The following DYNC1H1 variants were observed in gnomAD, a reference collection of about 807,000 sequenced individuals.
DYNC1H1 encodes cytoplasmic dynein 1 heavy chain 1.
DYNC1H1 carries 51 observed loss-of-function variants against 527.1 expected under a neutral mutation model. That is an observed-to-expected ratio of 0.10 (90% CI 0.08 to 0.12). DYNC1H1 has a LOEUF of 0.12. DYNC1H1 is among the 10% of genes least tolerant of loss of function. DYNC1H1 has a pLI of 1.00. For synonymous variants in DYNC1H1, 2,189 were observed against 2,278.8 expected, an observed-to-expected ratio of 0.96 and a Z score of 1.12; for missense variants, 2,771 against 5,971.8, an observed-to-expected ratio of 0.46 and a Z score of 17.66.
At position 101,985,150 on chromosome 14, in the gene DYNC1H1, A is replaced by G. The variant is rs1275688982; in HGVS notation, c.1462-537A>G. Among the ~76,000 whole-genome samples the G allele has an allele frequency of 6.6e-6, 1 of 151,936 alleles. No individual in the cohort carries two copies. The highest frequency in any genetic ancestry group is 2.4e-5 in the African/African-American group (1 of 41,372). The stretch of plus-strand genomic sequence containing the variant: ...TAGAGCCAGACTTCCTGGGTTTTAA[A>G]TCCTAATTCCATCGTTTACTAGCTC... On this transcript the variant is annotated intron_variant, in intron 7 of 77. Transcript: ENST00000360184. This position sits in a 1 kb window ranked among gnomAD's most constrained non-coding sequence, Gnocchi z 5.9.
Position 102,049,231 on chromosome 14 carries a change from T to C in DYNC1H1, c.13373-209T>C, listed in dbSNP as rs2048770474. ...AATTTGACCCTAGAAACTGCACGGTTCTGAGACATGCTCTGGACCAGCCTG... is the reference window on the plus strand; with the variant it reads ...AATTTGACCCTAGAAACTGCACGGTCCTGAGACATGCTCTGGACCAGCCTG... On this transcript the variant is annotated intron_variant, in intron 74 of 77. Coordinates refer to ENST00000360184, the MANE Select transcript of DYNC1H1 (RefSeq NM_001376.5). The surrounding 1 kb of genome is among the most constrained non-coding windows in gnomAD (Gnocchi z 5.5). 3.0e-6 allele frequency: 2 copies of C among 676,226 alleles called. No homozygotes were observed. The highest frequency in any genetic ancestry group is 4.6e-5 in the Admixed American group (2 of 43,796). The allele number at this position is 676,226 out of a possible 1,614,324, so 41.9% of individuals were successfully genotyped here. A position where few individuals can be genotyped will look rare whatever the true frequency, so the allele number is the denominator to read the frequency against.
At position 101,994,305 on chromosome 14, in the gene DYNC1H1, AAGTTGAAC is replaced by A; in HGVS notation, c.3141_3148del (p.Glu1048CysfsTer16). On this transcript the variant is annotated frameshift_variant, in exon 12 of 78. Transcript: ENST00000360184. LOFTEE classifies it high-confidence loss of function. ...TCTGCTGTCATGGGCATTGTATCTG[AAGTTGAAC>A]AGTATGTCAAGGTAAGAAACTCCTA... is the stretch of plus-strand genomic sequence containing the variant. The A allele has an allele frequency of 6.2e-7, 1 of 1,614,178 alleles. No individual in the cohort carries two copies. The highest frequency in any genetic ancestry group is 8.5e-7 in the Non-Finnish European group (1 of 1,180,032).
In DYNC1H1 at chr14:102,032,406, T is replaced by G; in HGVS notation, c.10018T>G (p.Ser3340Ala). 6.2e-7 allele frequency: 1 copy of G among 1,614,212 alleles called. No individual in the cohort carries two copies. The highest frequency in any genetic ancestry group is 8.5e-7 in the Non-Finnish European group (1 of 1,180,044). ...CACCACAGACTGGAAGCAGATCCGCTCCATCATCATGCGGGAGAACTTCAT... is the reference window on the plus strand; with the variant it reads ...CACCACAGACTGGAAGCAGATCCGCGCCATCATCATGCGGGAGAACTTCAT... Reference protein sequence around the residue: ...ESTTDWKQIRSIIMRENFIPT... With the variant: ...ESTTDWKQIRAIIMRENFIPT... Residue 3340 changes from serine to alanine, a missense_variant, in exon 52 of 78, where the codon TCC becomes GCC. By Grantham distance (99) the Ser-to-Ala change is moderately conservative. Coordinates refer to ENST00000360184, the MANE Select transcript of DYNC1H1 (RefSeq NM_001376.5).
intron 2 of DYNC1H1, among the ~76,000 whole-genome samples, chr14:101,977,937 A>AGT (rs17511949): frequency 0.12 from 18,014 of 152,256 alleles, 1,707 homozygotes; most frequent in African/African-American, 0.26. Flanking sequence ...TCCAAGCTGG[A>AGT]GTGCAGTGGG....
Position 102,044,145 on chromosome 14 carries a change from C to G in DYNC1H1, c.12684+100C>G, listed in dbSNP as rs760722993. 1.9e-6 allele frequency: 3 copies of G among 1,584,890 alleles called. No homozygotes were observed. The highest frequency in any genetic ancestry group is 1.7e-6 in the Non-Finnish European group (2 of 1,168,988). ...GCCAGACTCTGCGTGGAAGAGCGAG[C>G]TGACCCCTCGTGACCGCCAAAGCCT... On this transcript the variant is annotated intron_variant, in intron 70 of 77. Transcript: ENST00000360184. This position sits in a 1 kb window ranked among gnomAD's most constrained non-coding sequence, Gnocchi z 7.1.
chr14:101,969,681 T>C (rs2141262463), intron 1 of DYNC1H1: 1 of 152,414 alleles, frequency 6.6e-6, no homozygotes, highest in Admixed American at 6.5e-5. Context: ...CTCAGTGGTA[T>C]CCGCACTTCA....
chr14:102,038,595 C>A lies in DYNC1H1; in HGVS notation c.11044C>A (p.Arg3682=). ...ATCGTTTGTCATCTTCCTGTCCACCCGGGATCCAACTGTAAGGAATGGGAC... is the reference window on the plus strand; with the variant it reads ...ATCGTTTGTCATCTTCCTGTCCACCAGGGATCCAACTGTAAGGAATGGGAC... The part of the protein sequence containing the change: ...SPSFVIFLST[R]DPTVEFPPDL... Residue 3682 remains arginine (R), a synonymous_variant, in exon 58 of 78, where the codon CGG becomes AGG. Transcript: ENST00000360184. This position sits in a 1 kb window ranked among gnomAD's most constrained non-coding sequence, Gnocchi z 7.2. The A allele has an allele frequency of 6.2e-7, 1 of 1,614,184 alleles. No homozygotes were observed. The highest frequency in any genetic ancestry group is 8.5e-7 in the Non-Finnish European group (1 of 1,180,034).
chr14:101,979,808 C>T lies in DYNC1H1; in HGVS notation c.608C>T (p.Pro203Leu), dbSNP rs1177698609. 4 of 1,614,068 alleles carry T rather than the reference C, an allele frequency of 2.5e-6. No homozygotes were observed. Among genetic ancestry groups the T allele is most frequent in the Non-Finnish European group, 2.5e-6 (3 of 1,180,008 alleles). ...CACTTGCAGCAAAATATTGAAATTC[C>T]GGAGATCAGCCTGCCGATTCATCCA... Reference protein sequence around the residue: ...LLHLQQNIEIPEISLPIHPMI... With the variant: ...LLHLQQNIEILEISLPIHPMI... Residue 203 changes from proline to leucine, a missense_variant, in exon 4 of 78, where the codon CCG (proline) becomes CTG (leucine). By Grantham distance (98) the Pro-to-Leu change is moderately conservative. Coordinates refer to ENST00000360184, the MANE Select transcript of DYNC1H1 (RefSeq NM_001376.5). The surrounding 1 kb of genome is among the most constrained non-coding windows in gnomAD (Gnocchi z 4.6).
chr14:102,051,299 C>T lies in DYNC1H1; in HGVS notation c.*736C>T. The T allele has an allele frequency of 6.5e-6, 1 of 153,718 alleles. No homozygotes were observed. Among genetic ancestry groups the T allele is most frequent in the Non-Finnish European group, 1.4e-5 (1 of 69,346 alleles). The allele number at this position is 153,718 out of a possible 1,614,324, so 9.5% of individuals were successfully genotyped here. A position where few individuals can be genotyped will look rare whatever the true frequency, so the allele number is the denominator to read the frequency against. On this transcript the variant is annotated 3_prime_UTR_variant, in exon 78 of 78. Transcript: ENST00000360184. ...GCGTGGTGGCTCATGCCTGTAATCC[C>T]AGCACTTTGGGAGGCCGAGGCGGGC...
rs1042518934 is a variant in DYNC1H1, at chr14:102,039,816, T to TTCTTTTATTTTC, written c.11690+98_11690+109dup. On this transcript the variant is annotated intron_variant, in intron 62 of 77. Coordinates refer to ENST00000360184, the MANE Select transcript of DYNC1H1 (RefSeq NM_001376.5). The surrounding 1 kb of genome is among the most constrained non-coding windows in gnomAD (Gnocchi z 7.0). Reference sequence around the variant, plus strand: ...ATGATCAGATACATGCTTTTATTATTTCTTTTATTTTCTCTTTTATTTTCT... The same window carrying TTCTTTTATTTTC: ...ATGATCAGATACATGCTTTTATTATTTCTTTTATTTTCTCTTTTATTTTCTCTTTTATTTTCT... 2 of 1,413,170 alleles carry TTCTTTTATTTTC rather than the reference T, an allele frequency of 1.4e-6. No individual in the cohort carries two copies. The highest frequency in any genetic ancestry group is 1.2e-5 in the South Asian group (1 of 82,322). 87.5% of individuals were successfully genotyped at this position (1,413,170 alleles called of 1,614,324 possible). A position where few individuals can be genotyped will look rare whatever the true frequency, so the allele number is the denominator to read the frequency against.
At chr14:102,025,584 AAG>A (rs1491318496) in intron 43 of DYNC1H1, among the ~76,000 whole-genome samples, 12 of 151,480 alleles carry the variant, frequency 7.9e-5, no homozygotes, top group African/African-American at 2.9e-4. Context: ...AAAAAAAAAA[AAG>A]ATGTATCTTT....
chr14:102,027,601 C>T lies in DYNC1H1; in HGVS notation c.9049-18C>T, dbSNP rs2048464798. On this transcript the variant is annotated intron_variant, in intron 46 of 77. Coordinates refer to ENST00000360184, the MANE Select transcript of DYNC1H1 (RefSeq NM_001376.5). The surrounding 1 kb of genome is among the most constrained non-coding windows in gnomAD (Gnocchi z 7.7). ...TGTTACCGGGGGACCAGTAAGTCAG[C>T]ACTGTGCTGTTTCCCAGGTGCCTGG... 2 of 1,614,068 alleles carry T rather than the reference C, an allele frequency of 1.2e-6. No individual in the cohort carries two copies. Among genetic ancestry groups the T allele is most frequent in the Admixed American group, 1.7e-5 (1 of 60,000 alleles).
intron 5 of DYNC1H1, 70 bp from the exon 6 acceptor site, chr14:101,982,949 T>C: frequency 3.2e-6 from 5 of 1,559,950 alleles, no homozygotes; most frequent in Non-Finnish European, 4.4e-6. Flanking sequence ...TCCATTGTAA[T>C]GGCATATTTT....
Position 102,033,496 on chromosome 14 carries a change from A to T in DYNC1H1, c.10413+12A>T. On this transcript the variant is annotated intron_variant, in intron 54 of 77. Coordinates refer to ENST00000360184, the MANE Select transcript of DYNC1H1 (RefSeq NM_001376.5). The surrounding 1 kb of genome is among the most constrained non-coding windows in gnomAD (Gnocchi z 5.6). ...CTGTCGAGGCAAAAGTAAGATTATC[A>T]TCATTGATCCTCAGCCTTTCCTGCT... 2 of 1,613,818 alleles carry T rather than the reference A, an allele frequency of 1.2e-6. No homozygotes were observed. The highest frequency in any genetic ancestry group is 1.7e-6 in the Non-Finnish European group (2 of 1,179,930).
chr14:102,047,641 G>GTGTATATATATATATA, intron 72 of DYNC1H1, 176 bp from the exon 73 acceptor site: 94 of 316,706 alleles, frequency 3.0e-4, no homozygotes, highest in African/African-American at 2.3e-3. Flanking sequence ...GTGTGTGTGT[G>GTGTATATATATATATA]TATATATATA....
rs1309336867 is a variant in DYNC1H1 at position 102,039,180 on chromosome 14, A to G, written c.11386A>G (p.Thr3796Ala). The G allele has an allele frequency of 6.2e-7, 1 of 1,614,002 alleles. No individual in the cohort carries two copies. Among genetic ancestry groups the G allele is most frequent in the Non-Finnish European group, 8.5e-7 (1 of 1,180,032 alleles). Residue 3796 changes from threonine to alanine, a missense_variant, in exon 60 of 78, where the codon ACC becomes GCC. Thr to Ala is a moderately conservative substitution (Grantham distance 58, BLOSUM62 0). Transcript: ENST00000360184. The surrounding 1 kb of genome is among the most constrained non-coding windows in gnomAD (Gnocchi z 7.0). ...ETDIVMQEVE[T>A]VSQQYLPLST... is the part of the protein sequence containing the mutation. ...GGACATTGTCATGCAGGAGGTGGAG[A>G]CCGTGTCCCAGCAGTACCTCCCGCT... is the stretch of plus-strand genomic sequence containing the variant.
At chr14:101,993,378 C>T (rs971973185) in intron 11 of DYNC1H1, among the ~76,000 whole-genome samples, 1 of 152,160 alleles carries the variant, frequency 6.6e-6, no homozygotes, top group Non-Finnish European at 1.5e-5. Context: ...CTAAGTCAAT[C>T]CTGACACTCT....
chr14:102,000,513 T>A, intron 18 of DYNC1H1, 114 bp downstream of exon 18: 2 of 931,326 alleles, frequency 2.1e-6, no homozygotes, highest in South Asian at 1.4e-5. Context: ...AGATGTCATT[T>A]AATGTCCTGC....
chr14:102,043,804 C>G, intron 69 of DYNC1H1, 71 bp from the exon 70 acceptor site: 1 of 1,607,104 alleles, frequency 6.2e-7, no homozygotes, highest in Non-Finnish European at 8.5e-7. Context: ...TTTGACTGAC[C>G]TGGCATCTGC....
Sources: gnomAD v4.1 joint callset for allele counts (sites outside exome capture counted in the v4.1 genomes callset) on GRCh38, gnomAD v4.1.1 for gene constraint, Gnocchi (gnomAD v3.1) non-coding constraint, MANE v1.5 for transcripts, NCBI Gene and HGNC (gene_info 2026-07-23, HGNC 2026-07-21) for gene names.